Variants in ANKS1B observed in about 807,000 individuals in gnomAD.
The protein encoded by ANKS1B is ankyrin repeat and sterile alpha motif domain-containing protein 1B.
A neutral mutation model predicts 148.3 loss-of-function variants in ANKS1B; 36 were observed. The observed-to-expected ratio is 0.24, with a 90% CI of 0.19 to 0.32. The LOEUF is 0.32. ANKS1B is among the 10% of genes least tolerant of loss of function. ANKS1B has a pLI of 1.00. For synonymous variants in ANKS1B, 542 were observed against 560.8 expected (o/e 0.97, Z 0.47); for missense variants, 1,157 against 1,542.6 (o/e 0.75, Z 4.19).
At chr12:99,012,411 T>G (rs2099939994) in intron 17 of ANKS1B, among the ~76,000 whole-genome samples, 1 of 152,176 alleles carries the variant, frequency 6.6e-6, no homozygotes, top group African/African-American at 2.4e-5. Flanking sequence ...GATGCTATAG[T>G]TTCACTACTG....
At chr12:99,187,622 C>T (rs974129071) in intron 14 of ANKS1B, among the ~76,000 whole-genome samples, 4 of 152,124 alleles carry the variant, frequency 2.6e-5, no homozygotes, top group Admixed American at 1.3e-4. Flanking sequence ...GAAATAAAAT[C>T]CTTTACAGAT....
At chr12:99,923,357 AG>A in intron 1 of ANKS1B, among the ~76,000 whole-genome samples, 1 of 152,350 alleles carries the variant, frequency 6.6e-6, no homozygotes, top group Non-Finnish European at 1.5e-5. Context: ...TCTGAGAACC[AG>A]GAAGAGTTTA....
intron 12 of ANKS1B, among the ~76,000 whole-genome samples, chr12:99,355,584 C>T (rs2091899735): frequency 6.6e-6 from 1 of 152,152 alleles, no homozygotes; most frequent in African/African-American, 2.4e-5. Context: ...TTGGTGGCCT[C>T]TGCATGGAGA....
chr12:99,077,615 C>T (rs2048293190), intron 16 of ANKS1B, among the ~76,000 whole-genome samples: 1 of 152,200 alleles, frequency 6.6e-6, no homozygotes, highest in Non-Finnish European at 1.5e-5. Context: ...TCCGCTAAAG[C>T]GTACACACAT....
chr12:99,759,755 G>A (rs1177400378), intron 8 of ANKS1B, among the ~76,000 whole-genome samples: 1 of 144,084 alleles, frequency 6.9e-6, no homozygotes, highest in Non-Finnish European at 1.6e-5. Flanking sequence ...AGGTAAATGT[G>A]AAAAGTGACT....
intron 1 of ANKS1B, among the ~76,000 whole-genome samples, chr12:99,889,993 T>G (rs916060995): frequency 3.3e-5 from 5 of 152,104 alleles, no homozygotes; most frequent in Non-Finnish European, 5.9e-5. Context: ...CTGTCATAGT[T>G]GAAAACCACT....
At chr12:99,878,050 G>A (rs2092241197) in intron 1 of ANKS1B, among the ~76,000 whole-genome samples, 1 of 152,074 alleles carries the variant, frequency 6.6e-6, no homozygotes, top group Admixed American at 6.6e-5. Context: ...GTGAGACCCT[G>A]TCTCAAAACA....
At chr12:99,894,253 C>CGAAA (rs1231162027) in intron 1 of ANKS1B, among the ~76,000 whole-genome samples, 1 of 112,876 alleles carries the variant, frequency 8.9e-6, no homozygotes, top group African/African-American at 3.5e-5. Flanking sequence ...ACCCCCATCT[C>CGAAA]GAAAGAAAGA....
At chr12:99,740,760 T>C (rs10400425) in intron 8 of ANKS1B, among the ~76,000 whole-genome samples, 66,353 of 151,884 alleles carry the variant, frequency 0.44, 14,907 homozygotes, top group South Asian at 0.61. Flanking sequence ...AAGCTGAAGC[T>C]GGGTGGGGCA....
At chr12:99,689,513 G>A (rs187366530) in intron 8 of ANKS1B, among the ~76,000 whole-genome samples, 2 of 152,278 alleles carry the variant, frequency 1.3e-5, no homozygotes, top group East Asian at 3.9e-4. Context: ...CATCACTCTT[G>A]TGATTATGTT....
intron 1 of ANKS1B, among the ~76,000 whole-genome samples, chr12:99,967,264 T>G (rs898804818): frequency 6.6e-6 from 1 of 152,202 alleles, no homozygotes; most frequent in Non-Finnish European, 1.5e-5. Flanking sequence ...ATAAATTATC[T>G]TTAACCATTC....
chr12:99,960,594 G>A (rs2095396491), intron 1 of ANKS1B, among the ~76,000 whole-genome samples: 1 of 152,122 alleles, frequency 6.6e-6, no homozygotes, highest in South Asian at 2.1e-4. Context: ...CTAACTAGAG[G>A]GGAAATAAGA....
At chr12:99,894,312 G>A (rs2093281285) in intron 1 of ANKS1B, among the ~76,000 whole-genome samples, 1 of 79,500 alleles carries the variant, frequency 1.3e-5, no homozygotes, top group South Asian at 5.4e-4. Flanking sequence ...AGGGAGGGAG[G>A]GAGGGAGGGA....
intron 15 of ANKS1B, among the ~76,000 whole-genome samples, chr12:99,148,390 T>A (rs568161991): frequency 6.6e-6 from 1 of 152,116 alleles, no homozygotes; most frequent in Non-Finnish European, 1.5e-5. Flanking sequence ...AGGCTCCTTT[T>A]TAACACAAGA....
intron 1 of ANKS1B, among the ~76,000 whole-genome samples, chr12:99,967,004 C>A (rs1383145828): frequency 6.6e-6 from 1 of 152,112 alleles, no homozygotes; most frequent in East Asian, 1.9e-4. Context: ...CTCCCTATGG[C>A]CTGTCTTGGT....
intron 1 of ANKS1B, among the ~76,000 whole-genome samples, chr12:99,841,336 G>T (rs879791697): frequency 6.6e-6 from 1 of 151,666 alleles, no homozygotes; most frequent in East Asian, 1.9e-4. Flanking sequence ...ATTTAATGTC[G>T]GATGAGAAGC....
chr12:99,198,246 T>A (rs1342005540), intron 14 of ANKS1B, among the ~76,000 whole-genome samples: 1 of 152,188 alleles, frequency 6.6e-6, no homozygotes, highest in Non-Finnish European at 1.5e-5. Context: ...AGGGACTATA[T>A]CCTATTCCTC....
Position 99,199,724 on chromosome 12 carries a change from AAGAG to A in ANKS1B, c.2419+44614_2419+44617del, listed in dbSNP as rs995199830. Among the ~76,000 whole-genome samples, 5 of 152,278 alleles carry A rather than the reference AAGAG, an allele frequency of 3.3e-5. No individual in the cohort carries two copies. In the East Asian group the frequency reaches 5.8e-4, roughly 18 times the overall value. ...GGCCTCTCTATTTTCCTGACAGAAAAAGAGAGAGAGATAGAAGGTAGAAAAGCTA... is the reference window on the plus strand; with the variant it reads ...GGCCTCTCTATTTTCCTGACAGAAAAAGAGAGATAGAAGGTAGAAAAGCTA... On this transcript the variant is annotated intron_variant, in intron 14 of 26. Coordinates refer to ENST00000683438, the MANE Select transcript of ANKS1B (RefSeq NM_001352186.2).
chr12:99,969,583 A>G (rs562512915), intron 1 of ANKS1B, among the ~76,000 whole-genome samples: 1 of 152,326 alleles, frequency 6.6e-6, no homozygotes, highest in Admixed American at 6.5e-5. Flanking sequence ...TTCATGTGCT[A>G]TCAAGAAACA....
Sources: allele counts gnomAD v4.1 joint callset (sites outside exome capture counted in the v4.1 genomes callset), GRCh38; gene constraint gnomAD v4.1.1; transcripts MANE v1.5; gene names NCBI Gene and HGNC (gene_info 2026-07-23, HGNC 2026-07-21).